Variants in SHCBP1L observed in about 807,000 individuals in gnomAD.
The protein encoded by SHCBP1L is testicular spindle-associated protein SHCBP1L.
Under a neutral mutation model 62.5 loss-of-function variants are expected in SHCBP1L, and 67 were observed. The ratio of observed to expected loss-of-function variants is 1.07; its 90% CI spans 0.88 to 1.31. The LOEUF (loss-of-function observed/expected upper bound fraction) is 1.31, where lower values mean the gene tolerates loss of function less well. SHCBP1L is among the 40% of genes most tolerant of loss of function. The pLI, the probability that SHCBP1L is intolerant of heterozygous loss-of-function variation, is 0.00. For missense variants in SHCBP1L, 823 were observed against 809.8 expected, an observed-to-expected ratio of 1.02 and a Z score of -0.20; for synonymous variants, 284 against 289.4, an observed-to-expected ratio of 0.98 and a Z score of 0.19.
intron 6 of SHCBP1L, among the ~76,000 whole-genome samples, chr1:182,923,748 A>T (rs1490808995): frequency 6.6e-6 from 1 of 152,226 alleles, no homozygotes; most frequent in African/African-American, 2.4e-5. Flanking sequence ...CAAGATAACA[A>T]GAGCCATCTA....
chr1:182,903,364 A>C (rs1320012428), intron 8 of SHCBP1L, among the ~76,000 whole-genome samples: 1 of 152,184 alleles, frequency 6.6e-6, no homozygotes, highest in Non-Finnish European at 1.5e-5. Context: ...GAGAGTCATT[A>C]GACTTAGAAG....
intron 2 of SHCBP1L, among the ~76,000 whole-genome samples, chr1:182,948,705 A>G (rs796199107): frequency 1.2e-4 from 19 of 152,366 alleles, no homozygotes; most frequent in African/African-American, 3.8e-4. Context: ...TGGCAGCAAT[A>G]GAAAACTAAT....
chr1:182,946,101 A>G (rs1484941610), intron 2 of SHCBP1L, among the ~76,000 whole-genome samples: 2 of 150,738 alleles, frequency 1.3e-5, no homozygotes, highest in African/African-American at 2.4e-5. Flanking sequence ...GTCTGATGCC[A>G]TTCTACCTCT....
intron 5 of SHCBP1L, among the ~76,000 whole-genome samples, chr1:182,934,424 CA>C (rs1651103249): frequency 6.6e-6 from 1 of 152,092 alleles, no homozygotes; most frequent in African/African-American, 2.4e-5. Flanking sequence ...TTTTAATTTG[CA>C]ACTTACTAAT....
At chr1:182,951,921 G>A (rs1423686490) in intron 1 of SHCBP1L, 12 of 361,964 alleles carry the variant, frequency 3.3e-5, no homozygotes, top group African/African-American at 1.6e-4. Flanking sequence ...TTGGGAGGCC[G>A]AAGCGGGCAG....
chr1:182,927,635 G>GCA (rs1650817326), intron 6 of SHCBP1L, among the ~76,000 whole-genome samples: 1 of 137,608 alleles, frequency 7.3e-6, no homozygotes, highest in South Asian at 2.2e-4. Context: ...TCACGCCACT[G>GCA]CACTCCAGCC....
intron 5 of SHCBP1L, among the ~76,000 whole-genome samples, chr1:182,932,800 A>G (rs937300866): frequency 1.3e-5 from 2 of 150,952 alleles, no homozygotes; most frequent in African/African-American, 4.9e-5. Flanking sequence ...CAGCCTCTCA[A>G]TGGAATTTTA....
At chr1:182,918,679 G>C (rs937798672) in intron 6 of SHCBP1L, among the ~76,000 whole-genome samples, 13 of 151,890 alleles carry the variant, frequency 8.6e-5, no homozygotes, top group African/African-American at 3.1e-4. Flanking sequence ...ATAATGAATT[G>C]CAAGGGACCC....
chr1:182,917,400 T>C (rs1296601259), intron 6 of SHCBP1L, among the ~76,000 whole-genome samples: 1 of 152,152 alleles, frequency 6.6e-6, no homozygotes, highest in Non-Finnish European at 1.5e-5. Flanking sequence ...GAAAAAGCTA[T>C]GCCCAGCTAA....
chr1:182,918,580 C>T (rs560698166), intron 6 of SHCBP1L, among the ~76,000 whole-genome samples: 2 of 152,276 alleles, frequency 1.3e-5, no homozygotes, highest in South Asian at 4.2e-4. Context: ...AGCAATACTA[C>T]TTACATTGAT....
chr1:182,947,202 A>C, intron 2 of SHCBP1L, among the ~76,000 whole-genome samples: 1 of 144,944 alleles, frequency 6.9e-6, no homozygotes, highest in Non-Finnish European at 1.5e-5. Context: ...GCGCCATGGT[A>C]CTCCAGCCTG....
chr1:182,951,334 A>G lies in SHCBP1L; in HGVS notation c.539T>C (p.Val180Ala). ...VKYEEASIPF[V>A]GILVEVTCEP... ...TTTATTTACCTCAACCAATATACCA[A>G]CAAAAGGGATAGAAGCTTCTTCATA... Residue 180 changes from valine to alanine, a missense_variant, in exon 2 of 10, where the codon GTT (valine) becomes GCT (alanine). Transcript: ENST00000367547. 1.3e-6 allele frequency: 2 copies of G among 1,575,930 alleles called. No homozygotes were observed. The highest frequency in any genetic ancestry group is 1.7e-6 in the Non-Finnish European group (2 of 1,163,126).
intron 6 of SHCBP1L, among the ~76,000 whole-genome samples, chr1:182,910,474 AGAT>A (rs1193754578): frequency 6.6e-6 from 1 of 151,928 alleles, no homozygotes; most frequent in Non-Finnish European, 1.5e-5. Context: ...TGGCAAAGAA[AGAT>A]GATATTTTTT....
At chr1:182,904,766 CT>C (rs56874077) in intron 7 of SHCBP1L, among the ~76,000 whole-genome samples, 1 of 150,548 alleles carries the variant, frequency 6.6e-6, no homozygotes, top group African/African-American at 2.5e-5. Flanking sequence ...TAATCTTTTT[CT>C]TTTTTTTTGA....
rs1649922662 is a variant in SHCBP1L, at chr1:182,904,029, G to A, written c.1587+151C>T. On this transcript the variant is annotated intron_variant, in intron 8 of 9. Transcript: ENST00000367547. ...TTCCTAAATGTACTATGACACTCCA[G>A]TACTCATTTTGTTGATGTCTACCAG... 18 of 847,622 alleles carry A rather than the reference G, an allele frequency of 2.1e-5. No homozygotes were observed. The South Asian group carries it at 2.7e-4, about 13-fold the overall frequency. The allele number at this position is 847,622 out of a possible 1,614,324, so 52.5% of individuals were successfully genotyped here. A position where few individuals can be genotyped will look rare whatever the true frequency, so the allele number is the denominator to read the frequency against.
intron 3 of SHCBP1L, 31 bp downstream of exon 3, chr1:182,940,298 A>T (rs1347195279): frequency 6.4e-7 from 1 of 1,564,234 alleles, no homozygotes. Flanking sequence ...GATATAATAA[A>T]TTTAATTTTC....
At chr1:182,930,433 G>T (rs1416187519) in intron 5 of SHCBP1L, among the ~76,000 whole-genome samples, 1 of 150,488 alleles carries the variant, frequency 6.6e-6, no homozygotes, top group Non-Finnish European at 1.5e-5. Flanking sequence ...AGCCAAAAGG[G>T]ACACTCTTTT....
intron 6 of SHCBP1L, among the ~76,000 whole-genome samples, chr1:182,911,235 ATCAC>A (rs1650176754): frequency 6.6e-6 from 1 of 152,126 alleles, no homozygotes; most frequent in Admixed American, 6.6e-5. Context: ...TCTCTGTTAG[ATCAC>A]TCACTATCTA....
intron 6 of SHCBP1L, among the ~76,000 whole-genome samples, chr1:182,906,539 C>A (rs566099382): frequency 6.6e-6 from 1 of 151,842 alleles, no homozygotes; most frequent in South Asian, 2.1e-4. Context: ...TCAACCAATT[C>A]TCCCACCTCA....
Sources: gnomAD v4.1 joint callset for allele counts (sites outside exome capture counted in the v4.1 genomes callset) on GRCh38, gnomAD v4.1.1 for gene constraint, MANE v1.5 for transcripts, NCBI Gene and HGNC (gene_info 2026-07-23, HGNC 2026-07-21) for gene names.